Variants in UPP1 observed in about 807,000 individuals in gnomAD.
UPP1 encodes uridine phosphorylase 1.
UPP1 carries 25 observed loss-of-function variants against 29.6 expected under a neutral mutation model. That is an observed-to-expected ratio of 0.85 (90% confidence interval 0.62 to 1.18). UPP1 has a LOEUF of 1.18. Among genes scored for constraint, UPP1 ranks in the 50% most tolerant of loss-of-function variants. The probability of loss-of-function intolerance (pLI) is 0.00; values close to 1 mark genes in which losing one functional copy is unlikely to be tolerated. For missense variants in UPP1, 368 were observed against 410.4 expected, an observed-to-expected ratio of 0.90 and a Z score of 0.89; for synonymous variants, 165 against 159.8, an observed-to-expected ratio of 1.03 and a Z score of -0.25.
chr7:48,101,722 G>C, intron 4 of UPP1, 102 bp from the exon 5 acceptor site: 1 of 1,308,704 alleles, frequency 7.6e-7, no homozygotes, highest in East Asian at 2.5e-5. Flanking sequence ...TATATTTTTA[G>C]CAAGTTCATT....
At chr7:48,090,425 G>A (rs903854833) in intron 2 of UPP1, 61 bp downstream of exon 2, 3 of 152,216 alleles carry the variant, frequency 2.0e-5, no homozygotes, top group African/African-American at 7.2e-5. Context: ...TCCCGTGAAG[G>A]CCATAGAGGC....
Position 48,092,836 on chromosome 7 carries a change from G to A in UPP1, c.-21-1927G>A, listed in dbSNP as rs1472341049. On this transcript the variant is annotated intron_variant, in intron 2 of 8. Transcript: ENST00000395564. ...TCCTGCCTCAGCCTCCCGAGTAGCT[G>A]GGATTCCAGGCATGCGCCACCACAC... Among the ~76,000 whole-genome samples the A allele has an allele frequency of 2.6e-5, 4 of 151,858 alleles. No homozygotes were observed. In the East Asian group the frequency reaches 7.8e-4, roughly 29 times the overall value.
rs973931905 is a variant in UPP1 at position 48,098,139 on chromosome 7, T to C, written c.45-1531T>C. On this transcript the variant is annotated intron_variant, in intron 3 of 8. Transcript: ENST00000395564. ...AGTCACCTAGCCCCCTGTCCCCTTA[T>C]ACAAAGATCTCCCTGTCTCTGTGTA... Among the ~76,000 whole-genome samples the C allele has an allele frequency of 6.6e-5, 10 of 152,228 alleles. No homozygotes were observed. In the South Asian group the frequency reaches 1.9e-3, roughly 28 times the overall value.
chr7:48,099,860 A>G, intron 4 of UPP1, 73 bp downstream of exon 4: 1 of 978,700 alleles, frequency 1.0e-6, no homozygotes, highest in Non-Finnish European at 1.6e-6. Context: ...CAGGTAGACC[A>G]ACCCACAAAT....
At chr7:48,092,311 C>T (rs995093804) in intron 2 of UPP1, among the ~76,000 whole-genome samples, 13 of 152,126 alleles carry the variant, frequency 8.5e-5, no homozygotes, top group East Asian at 1.9e-4. Context: ...TTCCCTCAGT[C>T]GGTAGGTCTG....
In UPP1 at chr7:48,099,650, ACTTT is replaced by A. The variant is rs1161958795; in HGVS notation, c.45-16_45-13del. The A allele has an allele frequency of 6.4e-7, 1 of 1,550,940 alleles. No individual in the cohort carries two copies. The highest frequency in any genetic ancestry group is 8.9e-7 in the Non-Finnish European group (1 of 1,123,190). ...GGCACTGATGTTCTATAAGCCTTCC[ACTTT>A]CTTGTTTTTTAACAGTGATTGCCCC... On this transcript the variant is annotated splice_polypyrimidine_tract_variant and intron_variant, in intron 3 of 8. Transcript: ENST00000395564.
At chr7:48,098,010 G>T (rs1440373172) in intron 3 of UPP1, among the ~76,000 whole-genome samples, 1 of 152,180 alleles carries the variant, frequency 6.6e-6, no homozygotes, top group Non-Finnish European at 1.5e-5. Context: ...GGGCAGGCGG[G>T]TGTGGCTCTG....
In UPP1 at chr7:48,108,667, C is replaced by G. The variant is rs374775210; in HGVS notation, c.*310C>G. The G allele has an allele frequency of 5.8e-5, 13 of 223,750 alleles. No individual in the cohort carries two copies. Among genetic ancestry groups the G allele is most frequent in the East Asian group, 5.6e-4 (6 of 10,780 alleles). 13.9% of individuals were successfully genotyped at this position (223,750 alleles called of 1,614,324 possible). The stretch of plus-strand genomic sequence containing the variant: ...CTAATGGTAGTCAGATTTCATGTCA[C>G]TAAACAAGAAATCTGACAATAGTGC... On this transcript the variant is annotated 3_prime_UTR_variant, in exon 9 of 9. Coordinates refer to ENST00000395564, the MANE Select transcript of UPP1 (RefSeq NM_003364.4).
Position 48,108,338 on chromosome 7 carries a change from A to G in UPP1, c.914A>G (p.Lys305Arg). 6.2e-7 allele frequency: 1 copy of G among 1,614,062 alleles called. No individual in the cohort carries two copies. The highest frequency in any genetic ancestry group is 8.5e-7 in the Non-Finnish European group (1 of 1,179,916). Residue 305 changes from lysine (K) to arginine (R), a missense_variant, in exon 9 of 9, where the codon AAG (lysine) becomes AGG (arginine). Lys to Arg is a conservative substitution (Grantham distance 26). Transcript: ENST00000395564. ...PQRLVSYFIK[K>R]KLSKA The stretch of plus-strand genomic sequence containing the variant: ...CGGCTGGTGAGCTACTTCATCAAGA[A>G]GAAACTGAGCAAGGCCTGAGCGCTG...
chr7:48,104,985 A>G (rs187480543), intron 6 of UPP1: 6 of 152,368 alleles, frequency 3.9e-5, no homozygotes, highest in African/African-American at 1.4e-4. Context: ...CACTGGACAC[A>G]GTTGATAATA....
chr7:48,103,748 C>T, intron 6 of UPP1: 5 of 1,293,738 alleles, frequency 3.9e-6, no homozygotes, highest in Non-Finnish European at 5.0e-6. Context: ...CTCTCCTTTC[C>T]TTTGCTTACT....
chr7:48,103,824 A>AG (rs1196619416), intron 6 of UPP1: 1 of 1,289,888 alleles, frequency 7.8e-7, no homozygotes, highest in African/African-American at 1.5e-5. Context: ...GGAAAATCAA[A>AG]GGGGGGAAGA....
intron 6 of UPP1, chr7:48,103,728 C>A: frequency 7.8e-7 from 1 of 1,283,090 alleles, no homozygotes; most frequent in African/African-American, 1.5e-5. Flanking sequence ...AATCCCCCTT[C>A]TTCTCCATTC....
rs368203761 is a variant in UPP1, at chr7:48,107,384, C to G, written c.670C>G (p.Leu224Val). The change falls in exon 8 of 9, where the codon CTC becomes GTC. Residue 224 changes from leucine to valine, a missense_variant. Leu to Val is a conservative substitution (Grantham distance 32). Coordinates refer to ENST00000395564, the MANE Select transcript of UPP1 (RefSeq NM_003364.4). ...AGGGCAAGGCCGTCTGGATGGGGCT[C>G]TCTGCTCCTACACGGAGAAGGACAA... Reference protein sequence around the residue: ...YEGQGRLDGALCSYTEKDKQA... With the variant: ...YEGQGRLDGAVCSYTEKDKQA... 1.2e-6 allele frequency: 2 copies of G among 1,613,740 alleles called. No individual in the cohort carries two copies. Among genetic ancestry groups the G allele is most frequent in the Non-Finnish European group, 1.7e-6 (2 of 1,179,728 alleles).
intron 3 of UPP1, among the ~76,000 whole-genome samples, chr7:48,098,278 A>G (rs1792229489): frequency 6.6e-6 from 1 of 152,184 alleles, no homozygotes; most frequent in South Asian, 2.1e-4. Context: ...CAGTCATGAA[A>G]GGAGGAAGCA....
Position 48,107,573 on chromosome 7 carries a change from C to T in UPP1, c.793+66C>T, listed in dbSNP as rs1156734302. The T allele has an allele frequency of 7.9e-6, 12 of 1,514,702 alleles. No individual in the cohort carries two copies. In the Admixed American group the frequency reaches 8.6e-5, roughly 11 times the overall value. 93.8% of individuals were successfully genotyped at this position (1,514,702 alleles called of 1,614,324 possible). ...TCACTTCTGCTCTCCTGGAGCCCCT[C>T]GCTGGGGCCCCTCCTCCTGGGGCAC... On this transcript the variant is annotated intron_variant, in intron 8 of 8. Coordinates refer to ENST00000395564, the MANE Select transcript of UPP1 (RefSeq NM_003364.4).
intron 5 of UPP1, among the ~76,000 whole-genome samples, chr7:48,102,757 G>A (rs758048999): frequency 6.6e-6 from 1 of 152,152 alleles, no homozygotes; most frequent in Admixed American, 6.5e-5. Context: ...TGACACTAGG[G>A]GGGGTGCTCT....
Position 48,103,983 on chromosome 7 carries a change from G to T in UPP1, c.436+572G>T, listed in dbSNP as rs553032565. The T allele has an allele frequency of 7.4e-6, 8 of 1,074,242 alleles. No individual in the cohort carries two copies. In the African/African-American group the frequency reaches 1.3e-4, roughly 18 times the overall value. 66.5% of individuals were successfully genotyped at this position (1,074,242 alleles called of 1,614,324 possible). On this transcript the variant is annotated intron_variant, in intron 6 of 8. Transcript: ENST00000395564. ...ACCTGTAATCCCAGCACATTGGGAG[G>T]CCGAGGCGGGCGGATCACAAGATCG... is the stretch of plus-strand genomic sequence containing the variant.
chr7:48,094,005 C>T (rs912572109), intron 2 of UPP1, among the ~76,000 whole-genome samples: 1 of 152,080 alleles, frequency 6.6e-6, no homozygotes, highest in African/African-American at 2.4e-5. Flanking sequence ...ACTAAAAATA[C>T]AAAAATTAGC....
Sources: allele counts gnomAD v4.1 joint callset (sites outside exome capture counted in the v4.1 genomes callset), GRCh38; gene constraint gnomAD v4.1.1; transcripts MANE v1.5; gene names NCBI Gene and HGNC (gene_info 2026-07-23, HGNC 2026-07-21).